DNAJC6: variants seen among roughly 807,000 people sequenced by gnomAD.
DNAJC6 encodes DnaJ heat shock protein family (Hsp40) member C6, also known as auxilin.
Under a neutral mutation model 110.0 loss-of-function variants are expected in DNAJC6, and 34 were observed. That is an observed-to-expected ratio of 0.31 (90% CI 0.24 to 0.41). The LOEUF (loss-of-function observed/expected upper bound fraction) is 0.41, where lower values mean the gene tolerates loss of function less well. Among genes scored for constraint, DNAJC6 ranks in the 10% least tolerant of loss-of-function variants. The pLI is 1.00. For missense variants in DNAJC6, 1,031 were observed against 1,207.8 expected (o/e 0.85, Z 2.17); for synonymous variants, 406 against 437.2 (o/e 0.93, Z 0.89).
At chr1:65,318,117 G>C (rs1025672494) in intron 1 of DNAJC6, among the ~76,000 whole-genome samples, 1 of 152,020 alleles carries the variant, frequency 6.6e-6, no homozygotes, top group Non-Finnish European at 1.5e-5. Context: ...GGCAGTGGGA[G>C]GCCAGTGAAG....
At position 65,398,074 on chromosome 1, in the gene DNAJC6, T is replaced by A. The variant is rs575801385; in HGVS notation, c.2039-739T>A. On this transcript the variant is annotated intron_variant, in intron 13 of 18. Coordinates refer to ENST00000371069, the MANE Select transcript of DNAJC6 (RefSeq NM_001256864.2). ...CTGTTTCCTATATAGATTTTATAGA[T>A]GTGTAAAAAACTTACTACGCACATG... Among the ~76,000 whole-genome samples, 4 of 152,344 alleles carry A rather than the reference T, an allele frequency of 2.6e-5. No individual in the cohort carries two copies. In the East Asian group the frequency reaches 5.8e-4, roughly 22 times the overall value.
intron 1 of DNAJC6, among the ~76,000 whole-genome samples, chr1:65,280,890 C>G (rs1396644428): frequency 1.3e-5 from 2 of 152,150 alleles, no homozygotes; most frequent in East Asian, 3.9e-4. Flanking sequence ...TAGATTTCCT[C>G]TCAAGGGAAA....
chr1:65,403,242 G>A (rs966554475), intron 15 of DNAJC6, among the ~76,000 whole-genome samples: 2 of 152,206 alleles, frequency 1.3e-5, no homozygotes, highest in African/African-American at 4.8e-5. Context: ...TTTTGAAGTA[G>A]TGACTGTTAT....
intron 1 of DNAJC6, among the ~76,000 whole-genome samples, chr1:65,344,591 A>G (rs771350930): frequency 2.6e-5 from 4 of 152,192 alleles, no homozygotes; most frequent in South Asian, 2.1e-4. Flanking sequence ...AATTTAATCC[A>G]GCTAGCAGTG....
At chr1:65,312,764 A>G (rs1037787011) in intron 1 of DNAJC6, among the ~76,000 whole-genome samples, 6 of 152,176 alleles carry the variant, frequency 3.9e-5, no homozygotes, top group Admixed American at 2.0e-4. Context: ...CTTGGGATCA[A>G]ACCTCTGCAT....
chr1:65,347,846 T>C (rs1418510303), intron 1 of DNAJC6, among the ~76,000 whole-genome samples: 4 of 152,128 alleles, frequency 2.6e-5, no homozygotes, highest in Non-Finnish European at 4.4e-5. Flanking sequence ...ATTGGTTGAC[T>C]CCCTCCCTTG....
chr1:65,364,610 G>GTTTTT lies in DNAJC6; in HGVS notation c.194-22_194-21insTTTTT, dbSNP rs753560538. 201 of 1,442,458 alleles carry GTTTTT rather than the reference G, an allele frequency of 1.4e-4. 13 individuals carry two copies. The East Asian group carries it at 2.3e-3, about 17-fold the overall frequency. The allele number at this position is 1,442,458 out of a possible 1,614,324, so 89.4% of individuals were successfully genotyped here. On this transcript the variant is annotated intron_variant, in intron 1 of 18. Coordinates refer to ENST00000371069, the MANE Select transcript of DNAJC6 (RefSeq NM_001256864.2). The stretch of plus-strand genomic sequence containing the variant: ...TTCTCTGCCATCACCATTTTTGTTT[G>GTTTTT]TTTGTTTTTTTTTTTTTTTGGCAGG...
intron 1 of DNAJC6, chr1:65,279,246 G>A: frequency 1.3e-6 from 1 of 773,554 alleles, no homozygotes; most frequent in Non-Finnish European, 1.6e-6. Context: ...GAACCCAGCT[G>A]TGACTCCTGC....
At chr1:65,345,893 T>C (rs1038169236) in intron 1 of DNAJC6, among the ~76,000 whole-genome samples, 4 of 152,172 alleles carry the variant, frequency 2.6e-5, no homozygotes, top group African/African-American at 9.7e-5. Context: ...AGTGGCCAGA[T>C]GTTTATGAGA....
intron 5 of DNAJC6, among the ~76,000 whole-genome samples, chr1:65,380,891 T>TTTTTTTTGTTTTG: frequency 3.7e-5 from 5 of 135,448 alleles, no homozygotes; most frequent in African/African-American, 1.5e-4. Flanking sequence ...GGGGAGGGAG[T>TTTTTTTTGTTTTG]TTTTTTTTTT....
intron 1 of DNAJC6, among the ~76,000 whole-genome samples, chr1:65,303,048 A>G (rs1357895894): frequency 6.6e-6 from 1 of 152,214 alleles, no homozygotes; most frequent in Non-Finnish European, 1.5e-5. Context: ...TTATACTATG[A>G]GCATGTCCTT....
At chr1:65,276,299 G>A (rs779514001) in intron 1 of DNAJC6, among the ~76,000 whole-genome samples, 5 of 152,166 alleles carry the variant, frequency 3.3e-5, no homozygotes, top group Non-Finnish European at 7.4e-5. Flanking sequence ...GGCCACTTGT[G>A]AGTCTTTTTA....
intron 17 of DNAJC6, among the ~76,000 whole-genome samples, chr1:65,409,093 C>G (rs1008666736): frequency 2.6e-5 from 4 of 152,128 alleles, no homozygotes; most frequent in Admixed American, 1.3e-4. Context: ...CTTGCTCAGG[C>G]CTCTTTCATA....
At chr1:65,272,044 A>G (rs1653523222) in intron 1 of DNAJC6, among the ~76,000 whole-genome samples, 1 of 152,054 alleles carries the variant, frequency 6.6e-6, no homozygotes, top group African/African-American at 2.4e-5. Flanking sequence ...TGATCCTTAT[A>G]CTTTTTCCCC....
At chr1:65,309,170 A>C, upstream of DNAJC6, among the ~76,000 whole-genome samples, 1 of 152,092 alleles carries the variant, frequency 6.6e-6, no homozygotes, top group East Asian at 1.9e-4. Context: ...AAAGCTTCGC[A>C]GGCCGAGATA....
intron 16 of DNAJC6, among the ~76,000 whole-genome samples, chr1:65,407,576 G>A (rs961505248): frequency 6.6e-5 from 10 of 152,148 alleles, no homozygotes; most frequent in Admixed American, 4.6e-4. Flanking sequence ...TTCAGTTGTC[G>A]GGGATATGTA....
chr1:65,393,000 T>C lies in DNAJC6; in HGVS notation c.1903+135T>C, dbSNP rs567608809. The C allele has an allele frequency of 5.1e-6, 4 of 779,624 alleles. No homozygotes were observed. The South Asian group carries it at 1.6e-4, about 31-fold the overall frequency. 48.3% of individuals were successfully genotyped at this position (779,624 alleles called of 1,614,324 possible). On this transcript the variant is annotated intron_variant, in intron 12 of 18. Coordinates refer to ENST00000371069, the MANE Select transcript of DNAJC6 (RefSeq NM_001256864.2). ...AAGTCCTTTAGAGGAGGTCTGTATCTTTATTTAAATTGAGAGCGTAAGAGA... is the reference window on the plus strand; with the variant it reads ...AAGTCCTTTAGAGGAGGTCTGTATCCTTATTTAAATTGAGAGCGTAAGAGA...
At chr1:65,389,973 AC>A (rs1304549294) in intron 11 of DNAJC6, among the ~76,000 whole-genome samples, 2 of 151,794 alleles carry the variant, frequency 1.3e-5, no homozygotes, top group African/African-American at 4.9e-5. Context: ...TGATTGCGCC[AC>A]TGCACTGCAT....
intron 1 of DNAJC6, among the ~76,000 whole-genome samples, chr1:65,336,897 C>G (rs947252700): frequency 1.3e-5 from 2 of 151,980 alleles, no homozygotes; most frequent in African/African-American, 4.8e-5. Flanking sequence ...TTATTTTTGC[C>G]TTTTTATAGT....
Sources: gnomAD v4.1 joint callset for allele counts (sites outside exome capture counted in the v4.1 genomes callset) on GRCh38, gnomAD v4.1.1 for gene constraint, MANE v1.5 for transcripts, NCBI Gene and HGNC (gene_info 2026-07-23, HGNC 2026-07-21) for gene names.